ANKS1B: variants seen among roughly 807,000 people sequenced by gnomAD.
The protein encoded by ANKS1B is ankyrin repeat and sterile alpha motif domain containing 1B.
Under a neutral mutation model 148.3 loss-of-function variants are expected in ANKS1B, and 36 were observed. The observed-to-expected ratio is 0.24, with a 90% CI of 0.19 to 0.32. ANKS1B has a LOEUF of 0.32. ANKS1B is among the 10% of genes least tolerant of loss of function. The probability of loss-of-function intolerance (pLI) is 1.00; values close to 1 mark genes in which losing one functional copy is unlikely to be tolerated. For synonymous variants in ANKS1B, 542 were observed against 560.8 expected (o/e 0.97, Z 0.47); for missense variants, 1,157 against 1,542.6 (o/e 0.75, Z 4.19).
chr12:99,333,760 C>T (rs1353468159), intron 12 of ANKS1B, among the ~76,000 whole-genome samples: 7 of 151,942 alleles, frequency 4.6e-5, no homozygotes, highest in Non-Finnish European at 5.9e-5. Flanking sequence ...TTCCCATCTC[C>T]AGCCCCTTTT....
chr12:99,583,349 T>G (rs2097589188), intron 9 of ANKS1B, among the ~76,000 whole-genome samples: 2 of 152,306 alleles, frequency 1.3e-5, no homozygotes, highest in South Asian at 4.1e-4. Flanking sequence ...TAAAAGTAGG[T>G]CTTCAGGATA....
intron 12 of ANKS1B, among the ~76,000 whole-genome samples, chr12:99,392,550 C>T (rs55638049): frequency 0.041 from 6,170 of 152,260 alleles, 383 homozygotes; most frequent in African/African-American, 0.13. Context: ...TAATTAGTTA[C>T]CCAAGGTAGT....
chr12:99,639,515 C>T (rs947494581), intron 9 of ANKS1B, among the ~76,000 whole-genome samples: 3 of 152,068 alleles, frequency 2.0e-5, no homozygotes, highest in African/African-American at 7.2e-5. Flanking sequence ...TTGCTTGTGT[C>T]CCCACCAAAA....
At chr12:99,453,555 C>T (rs1316115139) in intron 10 of ANKS1B, among the ~76,000 whole-genome samples, 1 of 152,160 alleles carries the variant, frequency 6.6e-6, no homozygotes, top group Admixed American at 6.5e-5. Context: ...ATCCTTCAGC[C>T]CCAGTCAAGC....
At chr12:99,035,504 C>T (rs954421009) in intron 17 of ANKS1B, among the ~76,000 whole-genome samples, 4 of 152,144 alleles carry the variant, frequency 2.6e-5, no homozygotes, top group African/African-American at 4.8e-5. Flanking sequence ...TTTGTTGAAA[C>T]GAAGTGTAAA....
intron 9 of ANKS1B, among the ~76,000 whole-genome samples, chr12:99,629,278 T>A (rs1598411378): frequency 6.6e-6 from 1 of 152,198 alleles, no homozygotes; most frequent in African/African-American, 2.4e-5. Flanking sequence ...GGTTGTTGGC[T>A]GAAAAACTGT....
intron 1 of ANKS1B, among the ~76,000 whole-genome samples, chr12:99,895,314 A>T (rs780890852): frequency 6.7e-6 from 1 of 150,210 alleles, no homozygotes; most frequent in Non-Finnish European, 1.5e-5. Flanking sequence ...GGGATAGAGA[A>T]ATCTAGAAAA....
At chr12:99,649,840 A>G (rs1442175423) in intron 9 of ANKS1B, 1 of 157,222 alleles carries the variant, frequency 6.4e-6, no homozygotes, top group African/African-American at 2.4e-5. Context: ...ACTCTCTGCT[A>G]CTCAGCATTG....
intron 12 of ANKS1B, among the ~76,000 whole-genome samples, chr12:99,315,820 C>A (rs1014407934): frequency 2.0e-5 from 3 of 152,016 alleles, no homozygotes; most frequent in South Asian, 2.1e-4. Flanking sequence ...TCCCTCCCCT[C>A]TCCCCCCACC....
intron 11 of ANKS1B, among the ~76,000 whole-genome samples, chr12:99,421,901 A>C (rs2095097105): frequency 1.3e-5 from 2 of 151,914 alleles, no homozygotes; most frequent in Admixed American, 6.6e-5. Flanking sequence ...CTGGTTGTTT[A>C]AGTGTGTGGC....
intron 12 of ANKS1B, among the ~76,000 whole-genome samples, chr12:99,310,764 T>C (rs1049064722): frequency 1.3e-5 from 2 of 152,148 alleles, no homozygotes; most frequent in African/African-American, 4.8e-5. Context: ...AGCCAATTCC[T>C]TACAATAAAT....
intron 17 of ANKS1B, among the ~76,000 whole-genome samples, chr12:99,042,019 A>G (rs1467789448): frequency 6.7e-6 from 1 of 149,702 alleles, no homozygotes; most frequent in Non-Finnish European, 1.5e-5. Flanking sequence ...ACAACAAAAC[A>G]AAACAAAACA....
rs555676465 is a variant in ANKS1B at position 99,059,213 on chromosome 12, T to C, written c.2626-5904A>G. 1.8e-4 allele frequency among the ~76,000 whole-genome samples: 27 copies of C among 152,324 alleles called. No individual in the cohort carries two copies. In the South Asian group the frequency reaches 5.6e-3, roughly 32 times the overall value. ...GCTTTCAATAATAGAGAAGTGAGTA[T>C]CTGTCTTCTTCATTGGACTGCCTAC... On this transcript the variant is annotated intron_variant, in intron 16 of 26. Coordinates refer to ENST00000683438, the MANE Select transcript of ANKS1B (RefSeq NM_001352186.2).
At chr12:99,399,909 T>G in intron 11 of ANKS1B, 98 bp from the exon 12 acceptor site, 1 of 1,207,576 alleles carries the variant, frequency 8.3e-7, no homozygotes, top group Non-Finnish European at 1.2e-6. Context: ...TTTTTTCAGT[T>G]AAAAACTATC....
intron 9 of ANKS1B, among the ~76,000 whole-genome samples, chr12:99,615,788 G>A (rs2097952191): frequency 6.6e-6 from 1 of 152,058 alleles, no homozygotes; most frequent in African/African-American, 2.4e-5. Context: ...GGAAGTTCTG[G>A]CCAGGGCAAT....
chr12:99,674,643 G>A (rs935031107), intron 8 of ANKS1B, among the ~76,000 whole-genome samples: 7 of 151,670 alleles, frequency 4.6e-5, no homozygotes, highest in Non-Finnish European at 8.9e-5. Context: ...ACTATGATGG[G>A]AAATGAGTTT....
At chr12:98,748,209 A>G (rs894329553) in intron 26 of ANKS1B, among the ~76,000 whole-genome samples, 3 of 152,212 alleles carry the variant, frequency 2.0e-5, no homozygotes, top group Non-Finnish European at 4.4e-5. Context: ...GCAATAAAAA[A>G]CAGTCCCAGA....
At chr12:99,643,073 T>C (rs1486727277) in intron 9 of ANKS1B, among the ~76,000 whole-genome samples, 1 of 152,196 alleles carries the variant, frequency 6.6e-6, no homozygotes, top group Non-Finnish European at 1.5e-5. Flanking sequence ...CAGTAACATA[T>C]TCATAGGCTC....
intron 1 of ANKS1B, among the ~76,000 whole-genome samples, chr12:99,852,510 A>T (rs2088077709): frequency 6.6e-6 from 1 of 152,206 alleles, no homozygotes; most frequent in South Asian, 2.1e-4. Context: ...AGTTTCCAGC[A>T]TTTCTCAGAA....
Sources: allele counts gnomAD v4.1 joint callset (sites outside exome capture counted in the v4.1 genomes callset), GRCh38; gene constraint gnomAD v4.1.1; transcripts MANE v1.5; gene names NCBI Gene and HGNC (gene_info 2026-07-23, HGNC 2026-07-21).